Variants in ME3 observed in about 807,000 individuals in gnomAD.
ME3 encodes malic enzyme 3, also known as NADP-dependent malic enzyme, mitochondrial.
ME3 carries 48 observed loss-of-function variants against 68.9 expected under a neutral mutation model. That is an observed-to-expected ratio of 0.70 (90% CI 0.55 to 0.89). The LOEUF (loss-of-function observed/expected upper bound fraction) is 0.89, where lower values mean the gene tolerates loss of function less well. Among genes scored for constraint, ME3 ranks in the 40% least tolerant of loss-of-function variants. ME3 has a pLI of 0.00. For synonymous variants in ME3, 320 were observed against 318.8 expected (o/e 1.00, Z -0.04); for missense variants, 675 against 797.4 (o/e 0.85, Z 1.85).
rs111822587 is a variant in ME3, at chr11:86,606,429, A to C, written c.184-46606T>G. Reference sequence around the variant, plus strand: ...CGTCTCTGGCCACTTAGAGCCACACACACAAGTGCCACTCAGAACACTGGC... The same window carrying C: ...CGTCTCTGGCCACTTAGAGCCACACCCACAAGTGCCACTCAGAACACTGGC... On this transcript the variant is annotated intron_variant, in intron 2 of 14. Transcript: ENST00000543262. Among the ~76,000 whole-genome samples the C allele has an allele frequency of 6.5e-3, 992 of 152,282 alleles. 6 individuals are homozygous for C. The highest frequency in any genetic ancestry group is 0.022 in the African/African-American group (932 of 41,552).
At chr11:86,565,069 T>C (rs1278010845) in intron 2 of ME3, among the ~76,000 whole-genome samples, 1 of 152,128 alleles carries the variant, frequency 6.6e-6, no homozygotes, top group African/African-American at 2.4e-5. Flanking sequence ...GATAAACCAA[T>C]GGCCAATAGC....
intron 4 of ME3, among the ~76,000 whole-genome samples, chr11:86,527,806 G>A (rs955851173): frequency 6.6e-6 from 1 of 152,200 alleles, no homozygotes; most frequent in Non-Finnish European, 1.5e-5. Flanking sequence ...AGCAAATGCT[G>A]AGAGATTTTG....
intron 4 of ME3, among the ~76,000 whole-genome samples, chr11:86,527,060 C>G (rs1306165180): frequency 6.6e-6 from 1 of 152,160 alleles, no homozygotes; most frequent in African/African-American, 2.4e-5. Context: ...GATGATCAAA[C>G]TACTCTGAGC....
chr11:86,446,332 G>T, exon 13 of ME3: 1 of 1,614,156 alleles, frequency 6.2e-7, no homozygotes, highest in East Asian at 2.2e-5. Context: ...TCAGGAGGAA[G>T]ATCTCATCTG....
At chr11:86,492,309 T>C (rs1237275155) in intron 6 of ME3, among the ~76,000 whole-genome samples, 1 of 152,252 alleles carries the variant, frequency 6.6e-6, no homozygotes, top group Non-Finnish European at 1.5e-5. Flanking sequence ...TGCAGAGTCC[T>C]GGGACTGGGC....
chr11:86,537,078 T>G (rs1019811112), intron 4 of ME3, among the ~76,000 whole-genome samples: 1 of 149,064 alleles, frequency 6.7e-6, no homozygotes, highest in African/African-American at 2.5e-5. Context: ...TAGGTGGGAA[T>G]TGAACAATGA....
chr11:86,539,595 T>C lies in ME3; in HGVS notation c.467+16958A>G, dbSNP rs527761183. Among the ~76,000 whole-genome samples the C allele has an allele frequency of 2.6e-5, 4 of 152,254 alleles. No homozygotes were observed. The South Asian group carries it at 8.3e-4, about 32-fold the overall frequency. On this transcript the variant is annotated intron_variant, in intron 4 of 14. Transcript: ENST00000543262. ...TAATAAGAAGACAGTCTGTATGCTC[T>C]TTCTCTGGTAGGTGCTTGAAGACAC...
At chr11:86,568,899 C>A (rs1346121280) in intron 2 of ME3, among the ~76,000 whole-genome samples, 1 of 152,254 alleles carries the variant, frequency 6.6e-6, no homozygotes, top group East Asian at 1.9e-4. Flanking sequence ...GTCCTGGTCA[C>A]TGTCCTCAAG....
intron 8 of ME3, among the ~76,000 whole-genome samples, chr11:86,463,230 TGC>T (rs1950316293): frequency 6.6e-6 from 1 of 152,202 alleles, no homozygotes; most frequent in African/African-American, 2.4e-5. Context: ...CTGGAGGCTG[TGC>T]ACCAGGTGTG....
At chr11:86,476,326 C>T (rs1951081316) in intron 7 of ME3, among the ~76,000 whole-genome samples, 1 of 152,194 alleles carries the variant, frequency 6.6e-6, no homozygotes. Flanking sequence ...ACAGAGACAA[C>T]ACATTTAAGG....
chr11:86,622,781 T>C (rs946450028), intron 2 of ME3: 2 of 152,010 alleles, frequency 1.3e-5, no homozygotes, highest in Admixed American at 6.6e-5. Flanking sequence ...GTTCCTTTTA[T>C]TTGGTGAGTT....
intron 4 of ME3, among the ~76,000 whole-genome samples, chr11:86,548,564 C>T (rs1212977503): frequency 3.9e-5 from 6 of 152,190 alleles, no homozygotes; most frequent in Non-Finnish European, 7.3e-5. Flanking sequence ...GCAGATAAGC[C>T]TGCAAGCTTT....
intron 8 of ME3, among the ~76,000 whole-genome samples, chr11:86,455,010 G>C (rs1477519005): frequency 6.6e-6 from 1 of 152,230 alleles, no homozygotes; most frequent in Non-Finnish European, 1.5e-5. Flanking sequence ...ATCAGAAGGC[G>C]GGACTCTATG....
chr11:86,487,915 C>G (rs1047435049), intron 6 of ME3, among the ~76,000 whole-genome samples: 3 of 152,214 alleles, frequency 2.0e-5, no homozygotes, highest in African/African-American at 7.2e-5. Context: ...CGGTGGCTCA[C>G]GCCTGTAATC....
intron 2 of ME3, among the ~76,000 whole-genome samples, chr11:86,668,419 C>T (rs1182538357): frequency 6.6e-6 from 1 of 152,112 alleles, no homozygotes; most frequent in African/African-American, 2.4e-5. Context: ...AAAAAAATTG[C>T]TGGTAGATCC....
intron 4 of ME3, among the ~76,000 whole-genome samples, chr11:86,534,233 T>C (rs1231603919): frequency 6.6e-6 from 1 of 152,092 alleles, no homozygotes; most frequent in Non-Finnish European, 1.5e-5. Flanking sequence ...TGTATACTAA[T>C]GTAGACTTTA....
At chr11:86,668,303 A>G (rs745773812) in intron 2 of ME3, 13 of 152,196 alleles carry the variant, frequency 8.5e-5, no homozygotes, top group Non-Finnish European at 1.3e-4. Context: ...TGTTACTACA[A>G]TCCACAGTAA....
chr11:86,580,246 GATGTT>G (rs1958361046), intron 2 of ME3, among the ~76,000 whole-genome samples: 2 of 152,160 alleles, frequency 1.3e-5, no homozygotes, highest in African/African-American at 4.8e-5. Flanking sequence ...AAGCGATGTT[GATGTT>G]CACAGAGACC....
chr11:86,599,817 AT>A (rs1960273070), intron 2 of ME3, among the ~76,000 whole-genome samples: 1 of 152,122 alleles, frequency 6.6e-6, no homozygotes, highest in African/African-American at 2.4e-5. Flanking sequence ...AAAGAAAAGA[AT>A]TTTCAACCCA....
Sources: gnomAD v4.1 joint callset for allele counts (sites outside exome capture counted in the v4.1 genomes callset) on GRCh38, gnomAD v4.1.1 for gene constraint, MANE v1.5 for transcripts, NCBI Gene and HGNC (gene_info 2026-07-23, HGNC 2026-07-21) for gene names.